The following GRID1 variants were observed in gnomAD, a reference collection of about 807,000 sequenced individuals.
GRID1 encodes the protein glutamate receptor ionotropic, delta-1.
Under a neutral mutation model 98.0 loss-of-function variants are expected in GRID1, and 28 were observed. The ratio of observed to expected loss-of-function variants is 0.29; its 90% CI spans 0.21 to 0.39. The LOEUF (loss-of-function observed/expected upper bound fraction) is 0.39. Ranked by LOEUF, GRID1 falls within the 10% of genes least tolerant of loss-of-function variation. The probability of loss-of-function intolerance (pLI) is 1.00; values close to 1 mark genes in which losing one functional copy is unlikely to be tolerated. For synonymous variants in GRID1, 553 were observed against 538.5 expected (o/e 1.03, Z -0.37); for missense variants, 1,111 against 1,340.5 (o/e 0.83, Z 2.67).
intron 12 of GRID1, among the ~76,000 whole-genome samples, chr10:85,659,015 C>T (rs1233844490): frequency 6.6e-6 from 1 of 152,162 alleles, no homozygotes; most frequent in Non-Finnish European, 1.5e-5. Context: ...AAATGATAAG[C>T]TATCGATGTT....
intron 8 of GRID1, among the ~76,000 whole-genome samples, chr10:85,740,294 C>G (rs1222010206): frequency 6.6e-6 from 1 of 152,116 alleles, no homozygotes; most frequent in Non-Finnish European, 1.5e-5. Context: ...CAAGTTCCAT[C>G]AGATATTAGT....
chr10:85,602,684 C>G lies in GRID1; in HGVS notation c.2619G>C (p.Leu873Phe). 1 of 1,612,194 alleles carries G rather than the reference C, an allele frequency of 6.2e-7. No homozygotes were observed. The highest frequency in any genetic ancestry group is 8.5e-7 in the Non-Finnish European group (1 of 1,178,958). ...ETPKEDKEVN[L>F]EQVHRRMNSL... The stretch of plus-strand genomic sequence containing the variant: ...TGTTCATGCGCCGGTGGACCTGCTC[C>G]AAGTTCACTTCTTTGTCCTGGAGGG... Residue 873 changes from leucine (L) to phenylalanine (F), a missense_variant, in exon 16 of 16, where the codon TTG becomes TTC. Physicochemically the swap from Leu to Phe is conservative, Grantham distance 22. Coordinates refer to ENST00000327946, the MANE Select transcript of GRID1 (RefSeq NM_017551.3).
intron 14 of GRID1, among the ~76,000 whole-genome samples, chr10:85,618,281 C>T (rs1564678901): frequency 6.6e-6 from 1 of 152,044 alleles, no homozygotes; most frequent in Non-Finnish European, 1.5e-5. Flanking sequence ...GGTACATGAG[C>T]AGTCTTGGTG....
chr10:85,853,798 A>T (rs1843083159), intron 8 of GRID1, among the ~76,000 whole-genome samples: 1 of 152,192 alleles, frequency 6.6e-6, no homozygotes, highest in African/African-American at 2.4e-5. Flanking sequence ...TCTTTGTGTC[A>T]TGAGTCCACT....
intron 3 of GRID1, among the ~76,000 whole-genome samples, chr10:86,194,354 G>A (rs555040252): frequency 1.1e-4 from 16 of 152,240 alleles, no homozygotes; most frequent in African/African-American, 3.6e-4. Flanking sequence ...AAAGAATGGG[G>A]TAGAACCAAG....
chr10:85,717,711 A>G (rs900007340), intron 12 of GRID1, among the ~76,000 whole-genome samples: 14 of 152,202 alleles, frequency 9.2e-5, no homozygotes, highest in African/African-American at 2.9e-4. Flanking sequence ...TCATTTCAGC[A>G]TTAATCCAAA....
chr10:86,047,328 G>A (rs913876410), intron 4 of GRID1, among the ~76,000 whole-genome samples: 1 of 152,182 alleles, frequency 6.6e-6, no homozygotes, highest in African/African-American at 2.4e-5. Context: ...GACTGGAGCT[G>A]GGCACACATT....
intron 2 of GRID1, among the ~76,000 whole-genome samples, chr10:86,357,260 G>T (rs1208628939): frequency 6.6e-6 from 1 of 152,212 alleles, no homozygotes; most frequent in African/African-American, 2.4e-5. Flanking sequence ...TGAGATGTTG[G>T]ACACAGACCC....
At chr10:85,977,749 C>T (rs1227627059) in intron 4 of GRID1, among the ~76,000 whole-genome samples, 1 of 152,202 alleles carries the variant, frequency 6.6e-6, no homozygotes, top group Non-Finnish European at 1.5e-5. Flanking sequence ...TCCAGAAATA[C>T]CCAGCCAGTC....
chr10:86,006,549 C>T (rs1801965547), intron 4 of GRID1, among the ~76,000 whole-genome samples: 1 of 151,748 alleles, frequency 6.6e-6, no homozygotes, highest in African/African-American at 2.4e-5. Context: ...ACCCGGGAGG[C>T]GGAGGTTGCA....
chr10:85,604,630 TG>T (rs1218508230), intron 15 of GRID1, among the ~76,000 whole-genome samples: 1 of 152,190 alleles, frequency 6.6e-6, no homozygotes, highest in Non-Finnish European at 1.5e-5. Context: ...ATTCATGAAA[TG>T]TTTATGCTGA....
intron 8 of GRID1, among the ~76,000 whole-genome samples, chr10:85,799,878 T>C (rs1842559971): frequency 6.6e-6 from 1 of 152,052 alleles, no homozygotes; most frequent in African/African-American, 2.4e-5. Flanking sequence ...AATGTTCTCA[T>C]CACAAAGAAA....
In GRID1 at chr10:85,820,141, CAG is replaced by C. The variant is rs1298134531; in HGVS notation, c.1233+34353_1233+34354del. ...AAGAAAGAAGGGAGAAAGAAAGAAACAGAAAGAAAGAAAGAAAGAAAGAAAGA... is the reference window on the plus strand; with the variant it reads ...AAGAAAGAAGGGAGAAAGAAAGAAACAAAGAAAGAAAGAAAGAAAGAAAGA... On this transcript the variant is annotated intron_variant, in intron 8 of 15. Transcript: ENST00000327946. Among the ~76,000 whole-genome samples, 16 of 114,824 alleles carry C rather than the reference CAG, an allele frequency of 1.4e-4. No individual in the cohort carries two copies. In the Middle Eastern group the frequency reaches 0.013, roughly 95 times the overall value. The allele number at this position is 114,824 out of a possible 152,430, so 75.3% of individuals were successfully genotyped here.
chr10:85,739,473 T>C (rs1016132613), intron 8 of GRID1, among the ~76,000 whole-genome samples: 1 of 151,950 alleles, frequency 6.6e-6, no homozygotes, highest in African/African-American at 2.4e-5. Flanking sequence ...TAGTCCCAGA[T>C]ACTCAGGAAG....
intron 8 of GRID1, among the ~76,000 whole-genome samples, chr10:85,773,506 T>A (rs1842295733): frequency 6.6e-6 from 1 of 152,226 alleles, no homozygotes; most frequent in African/African-American, 2.4e-5. Context: ...ATAAAGGTTA[T>A]TCAATTAGGA....
At position 85,652,649 on chromosome 10, in the gene GRID1, C is replaced by A. The variant is rs576680848; in HGVS notation, c.1998-5252G>T. 5.9e-5 allele frequency among the ~76,000 whole-genome samples: 9 copies of A among 152,266 alleles called. No individual in the cohort carries two copies. The South Asian group carries it at 1.7e-3, about 28-fold the overall frequency. ...GCTCTACAAGAGATGATGCTGCAAT[C>A]ATCAAAGCAATCTGGAGTGCCTGGA... is the stretch of plus-strand genomic sequence containing the variant. On this transcript the variant is annotated intron_variant, in intron 12 of 15. Transcript: ENST00000327946.
intron 2 of GRID1, among the ~76,000 whole-genome samples, chr10:86,340,273 C>G (rs1371872747): frequency 6.6e-6 from 1 of 152,180 alleles, no homozygotes; most frequent in Non-Finnish European, 1.5e-5. Flanking sequence ...CCCGAACCAC[C>G]AAAAAGTCAG....
At chr10:86,056,906 T>C (rs773138478) in intron 4 of GRID1, among the ~76,000 whole-genome samples, 4 of 152,226 alleles carry the variant, frequency 2.6e-5, no homozygotes, top group African/African-American at 9.6e-5. Flanking sequence ...TCATTTGAGA[T>C]GCCACGAAGC....
intron 8 of GRID1, among the ~76,000 whole-genome samples, chr10:85,741,774 C>T (rs949585922): frequency 7.2e-5 from 11 of 152,080 alleles, no homozygotes; most frequent in African/African-American, 2.7e-4. Flanking sequence ...AAGACCTGAT[C>T]CATGTCTGCC....
Sources: gnomAD v4.1 joint callset for allele counts (sites outside exome capture counted in the v4.1 genomes callset) on GRCh38, gnomAD v4.1.1 for gene constraint, MANE v1.5 for transcripts, NCBI Gene and HGNC (gene_info 2026-07-23, HGNC 2026-07-21) for gene names.